Variants in CCNT2 observed in about 807,000 individuals in gnomAD.
CCNT2 encodes cyclin-T2.
In CCNT2, 18 loss-of-function variants were observed where a neutral mutation model predicts 70.0. The ratio of observed to expected loss-of-function variants is 0.26; its 90% CI spans 0.18 to 0.38. The LOEUF (loss-of-function observed/expected upper bound fraction) is 0.38. CCNT2 is among the 10% of genes least tolerant of loss of function. The probability of loss-of-function intolerance (pLI) is 1.00; values close to 1 mark genes in which losing one functional copy is unlikely to be tolerated. For synonymous variants in CCNT2, 334 were observed against 313.3 expected, an observed-to-expected ratio of 1.07 and a Z score of -0.70; for missense variants, 734 against 890.2, an observed-to-expected ratio of 0.82 and a Z score of 2.23.
chr2:134,943,946 T>C (rs1681757784), intron 5 of CCNT2: 1 of 955,268 alleles, frequency 1.0e-6, no homozygotes, highest in East Asian at 1.2e-4. Context: ...CTAAGTATTC[T>C]CACATTTTAT....
intron 2 of CCNT2, among the ~76,000 whole-genome samples, chr2:134,921,463 C>T (rs925201009): frequency 6.6e-6 from 1 of 152,148 alleles, no homozygotes; most frequent in African/African-American, 2.4e-5. Flanking sequence ...AAGCTATTCA[C>T]CTGCCTCAGC....
rs911157763 is a variant in CCNT2, at chr2:134,944,299, G to T, written c.493+1625G>T. 7 of 982,564 alleles carry T rather than the reference G, an allele frequency of 7.1e-6. No homozygotes were observed. The African/African-American group carries it at 1.2e-4, about 17-fold the overall frequency. 60.9% of individuals were successfully genotyped at this position (982,564 alleles called of 1,614,324 possible). ...TAAGCTAAACTTTGTAAGCATTGTA[G>T]CCATATAATTTGCTTTAAATTAAGA... On this transcript the variant is annotated intron_variant, in intron 5 of 8. Transcript: ENST00000264157.
At position 134,949,802 on chromosome 2, in the gene CCNT2, C is replaced by CGGT. The variant is rs1553525572; in HGVS notation, c.703+1905_703+1906insTGG. On this transcript the variant is annotated intron_variant, in intron 7 of 8. Transcript: ENST00000264157. ...GATTAGGTAGGCAAAATTTTTTTTT[C>CGGT]GGGGGGGGGGTGGGGGACAGAGTCT... Among the ~76,000 whole-genome samples, 242 of 48,936 alleles carry CGGT rather than the reference C, an allele frequency of 4.9e-3. 4 individuals carry two copies. Among genetic ancestry groups the CGGT allele is most frequent in the African/African-American group, 0.016 (221 of 13,780 alleles). The allele number at this position is 48,936 out of a possible 152,430, so 32.1% of individuals were successfully genotyped here.
At chr2:134,935,382 G>A (rs773700486) in intron 2 of CCNT2, among the ~76,000 whole-genome samples, 3 of 152,126 alleles carry the variant, frequency 2.0e-5, no homozygotes, top group Non-Finnish European at 4.4e-5. Context: ...AATGCAGTTG[G>A]ACTAGAAAGG....
At chr2:134,932,989 C>T (rs544748098) in intron 2 of CCNT2, among the ~76,000 whole-genome samples, 25 of 152,216 alleles carry the variant, frequency 1.6e-4, no homozygotes, top group Admixed American at 1.1e-3. Context: ...TAATGAAGTC[C>T]GTTTCAAGGC....
In CCNT2 at chr2:134,956,456, C is replaced by G. The variant is rs1198474398; in HGVS notation, c.*1808C>G. The stretch of plus-strand genomic sequence containing the variant: ...TGTCATTATATGTAACTTTGTTGCT[C>G]TGTATGGCATAATATTGTATCCATA... On this transcript the variant is annotated 3_prime_UTR_variant, in exon 9 of 9. Transcript: ENST00000264157. 2.0e-5 allele frequency: 3 copies of G among 152,426 alleles called. 1 individual carries two copies. Among genetic ancestry groups the G allele is most frequent in the Admixed American group, 1.3e-4 (2 of 15,274 alleles). The allele number at this position is 152,426 out of a possible 1,614,324, so 9.4% of individuals were successfully genotyped here.
At chr2:134,945,231 A>G (rs760704743) in intron 5 of CCNT2, 1 of 985,270 alleles carries the variant, frequency 1.0e-6, no homozygotes. Flanking sequence ...GGGAGGGGGA[A>G]AGAAATTTGA....
intron 2 of CCNT2, among the ~76,000 whole-genome samples, chr2:134,921,820 C>T (rs991163137): frequency 6.6e-6 from 1 of 152,114 alleles, no homozygotes; most frequent in Non-Finnish European, 1.5e-5. Flanking sequence ...ATAAAAAGGC[C>T]AAGGTATTAA....
chr2:134,955,299 C>T lies in CCNT2; in HGVS notation c.*651C>T, dbSNP rs921048142. The T allele has an allele frequency of 6.5e-6, 1 of 152,980 alleles. No individual in the cohort carries two copies. The allele number at this position is 152,980 out of a possible 1,614,324, so 9.5% of individuals were successfully genotyped here. On this transcript the variant is annotated 3_prime_UTR_variant, in exon 9 of 9. Coordinates refer to ENST00000264157, the MANE Select transcript of CCNT2 (RefSeq NM_058241.3). ...CTTAAACTCTAGGCCTTACTGGAAG[C>T]CACTGATAGGGGACACTTCACTACC...
rs112471982 is a variant in CCNT2 at position 134,931,262 on chromosome 2, C to CTTTTTTTTTTTTTTTTTTTT, written c.241-5573_241-5554dup. Among the ~76,000 whole-genome samples the CTTTTTTTTTTTTTTTTTTTT allele has an allele frequency of 4.8e-3, 204 of 42,410 alleles. 24 individuals are homozygous for CTTTTTTTTTTTTTTTTTTTT. Among genetic ancestry groups the CTTTTTTTTTTTTTTTTTTTT allele is most frequent in the South Asian group, 8.4e-3 (4 of 478 alleles). 27.8% of individuals were successfully genotyped at this position (42,410 alleles called of 152,430 possible). A position where few individuals can be genotyped will look rare whatever the true frequency, so the allele number is the denominator to read the frequency against. On this transcript the variant is annotated intron_variant, in intron 2 of 8. Coordinates refer to ENST00000264157, the MANE Select transcript of CCNT2 (RefSeq NM_058241.3). The stretch of plus-strand genomic sequence containing the variant: ...CAGGCATAAGCCACCATGCCCGGAT[C>CTTTTTTTTTTTTTTTTTTTT]TTTTTTTTTTTTTTTTTTTTTTTTT...
intron 7 of CCNT2, among the ~76,000 whole-genome samples, chr2:134,952,418 A>G (rs1423774190): frequency 2.0e-5 from 3 of 152,178 alleles, no homozygotes; most frequent in African/African-American, 7.2e-5. Flanking sequence ...AGAGATTCTA[A>G]TTAAGCAAGT....
intron 2 of CCNT2, among the ~76,000 whole-genome samples, chr2:134,932,934 A>G (rs1006605547): frequency 6.6e-6 from 1 of 152,174 alleles, no homozygotes; most frequent in Admixed American, 6.5e-5. Context: ...GAAAGTTCCA[A>G]TTTCTGAGCT....
chr2:134,954,444 C>A lies in CCNT2; in HGVS notation c.1989C>A (p.Asn663Lys). 6.2e-7 allele frequency: 1 copy of A among 1,614,104 alleles called. No homozygotes were observed. The highest frequency in any genetic ancestry group is 2.2e-5 in the East Asian group (1 of 44,874). ...TATCCTCTCACAACTCTGTTTTTAA[C>A]CATCCCTTACCCCCTCCTCCCCCTG... Reference protein sequence around the residue: ...QYISSHNSVFNHPLPPPPPVT... With the variant: ...QYISSHNSVFKHPLPPPPPVT... The change falls in exon 9 of 9, where the codon AAC (asparagine) becomes AAA (lysine). Residue 663 changes from asparagine to lysine, a missense_variant. Asn to Lys is a moderately conservative substitution (Grantham distance 94). This residue lies in a region of CCNT2 where 532 missense variants were observed against 556.9 expected (regional missense o/e 0.96). Coordinates refer to ENST00000264157, the MANE Select transcript of CCNT2 (RefSeq NM_058241.3).
At chr2:134,936,228 T>C (rs917203866) in intron 2 of CCNT2, among the ~76,000 whole-genome samples, 2 of 152,016 alleles carry the variant, frequency 1.3e-5, no homozygotes, top group African/African-American at 4.8e-5. Context: ...CAAATTAATA[T>C]TATTTAAACT....
chr2:134,928,340 G>A (rs1680462443), intron 2 of CCNT2, among the ~76,000 whole-genome samples: 1 of 138,918 alleles, frequency 7.2e-6, no homozygotes, highest in African/African-American at 2.7e-5. Flanking sequence ...GTGCAATGGC[G>A]CGATCTCGGC....
At chr2:134,919,639 C>T (rs546173652) in intron 1 of CCNT2, among the ~76,000 whole-genome samples, 171 bp from the exon 2 acceptor site, 5 of 152,150 alleles carry the variant, frequency 3.3e-5, no homozygotes, top group African/African-American at 1.2e-4. Flanking sequence ...GGCGTCAAGC[C>T]TATTCTCTTC....
chr2:134,929,345 C>G (rs1395144725), intron 2 of CCNT2, among the ~76,000 whole-genome samples: 2 of 152,042 alleles, frequency 1.3e-5, no homozygotes. Context: ...TGGCTCACAC[C>G]TGTAATCCCA....
In CCNT2 at chr2:134,953,614, A is replaced by T. The variant is rs373321648; in HGVS notation, c.1159A>T (p.Ile387Leu). The T allele has an allele frequency of 6.2e-7, 1 of 1,614,144 alleles. No individual in the cohort carries two copies. The highest frequency in any genetic ancestry group is 8.5e-7 in the Non-Finnish European group (1 of 1,179,992). ...CATCAACTTCCAGCAGGGACCTTCT[A>T]TATCACTGCATTCAGGATTACATCA... ...YNINFQQGPS[I>L]SLHSGLHHRP... The change falls in exon 9 of 9, where the codon ATA becomes TTA. Residue 387 changes from isoleucine (I) to leucine (L), a missense_variant. Around this residue, in one of 3 missense-constraint regions of CCNT2, gnomAD observed 532 missense variants for 556.9 expected, o/e 0.96. Transcript: ENST00000264157.
rs766568965 is a variant in CCNT2, at chr2:134,919,796, A to G, written c.159-14A>G. ...CTTGCTTTTGTCAGATATTTCCTAA[A>G]TATTACGTTCCAGCTCTCAGCTTAC... On this transcript the variant is annotated splice_polypyrimidine_tract_variant and intron_variant, in intron 1 of 8. Transcript: ENST00000264157. 1.9e-6 allele frequency: 3 copies of G among 1,592,330 alleles called. No homozygotes were observed. Among genetic ancestry groups the G allele is most frequent in the Admixed American group, 1.7e-5 (1 of 58,310 alleles).
Sources: allele counts gnomAD v4.1 joint callset (sites outside exome capture counted in the v4.1 genomes callset), GRCh38; gene constraint gnomAD v4.1.1; regional missense constraint gnomAD v4.1.1; transcripts MANE v1.5; gene names NCBI Gene and HGNC (gene_info 2026-07-23, HGNC 2026-07-21).